Variants in U2AF2 observed in about 807,000 individuals in gnomAD.
U2AF2 encodes the protein splicing factor U2AF 65 kDa subunit.
U2AF2 carries 6 observed loss-of-function variants against 52.6 expected under a neutral mutation model. The observed-to-expected ratio is 0.11, with a 90% CI of 0.06 to 0.23. The LOEUF is 0.23. U2AF2 is among the 10% of genes least tolerant of loss of function. The probability of loss-of-function intolerance (pLI) is 1.00; values close to 1 mark genes in which losing one functional copy is unlikely to be tolerated. For synonymous variants in U2AF2, 284 were observed against 258.2 expected (o/e 1.10, Z -0.96); for missense variants, 222 against 677.1 (o/e 0.33, Z 7.46).
Position 55,674,312 on chromosome 19 carries a change from G to A in U2AF2, c.*244G>A. ...CACACAGACAACACGCACCCACACA[G>A]ACACAGAGGGAAGGGGTTGGGATGG... On this transcript the variant is annotated 3_prime_UTR_variant, in exon 12 of 12. Coordinates refer to ENST00000308924, the MANE Select transcript of U2AF2 (RefSeq NM_007279.3). 2.0e-6 allele frequency: 1 copy of A among 492,852 alleles called. No homozygotes were observed. The highest frequency in any genetic ancestry group is 2.3e-5 in the South Asian group (1 of 44,326). The allele number at this position is 492,852 out of a possible 1,614,324, so 30.5% of individuals were successfully genotyped here.
chr19:55,660,406 G>A (rs952835547), intron 3 of U2AF2, 110 bp from the exon 4 acceptor site: 45 of 1,110,648 alleles, frequency 4.1e-5, no homozygotes, highest in Non-Finnish European at 5.3e-5. Context: ...AGAGAGTGGA[G>A]CTTACATGGT....
chr19:55,670,718 C>T (rs572767401), intron 11 of U2AF2: 23 of 205,368 alleles, frequency 1.1e-4, no homozygotes, highest in Admixed American at 4.4e-4. Flanking sequence ...CTGCCTGGGT[C>T]TTGGAACGAC....
rs542253818 is a variant in U2AF2 at position 55,670,587 on chromosome 19, G to A, written c.1293+895G>A. 2.9e-5 allele frequency: 6 copies of A among 203,514 alleles called. No individual in the cohort carries two copies. In the South Asian group the frequency reaches 3.3e-4, roughly 11 times the overall value. The allele number at this position is 203,514 out of a possible 1,614,324, so 12.6% of individuals were successfully genotyped here. On this transcript the variant is annotated intron_variant, in intron 11 of 11. Coordinates refer to ENST00000308924, the MANE Select transcript of U2AF2 (RefSeq NM_007279.3). The stretch of plus-strand genomic sequence containing the variant: ...GAGGACCTGCATGCCGTATTGAGTC[G>A]GGGCAGGGGCCGCATTCCTGGGTGT...
Position 55,668,646 on chromosome 19 carries a change from C to G in U2AF2, c.823-24C>G, listed in dbSNP as rs1984692170. 1.9e-6 allele frequency: 3 copies of G among 1,606,880 alleles called. No individual in the cohort carries two copies. In the East Asian group the frequency reaches 6.7e-5, roughly 36 times the overall value. On this transcript the variant is annotated intron_variant, in intron 8 of 11. Transcript: ENST00000308924. This position sits in a 1 kb window ranked among gnomAD's most constrained non-coding sequence, Gnocchi z 5.5. ...CACCCCGCCCCACCTCATCCCAGCCCTGATGGACTCTCGGCTACTGCAGGT... is the reference window on the plus strand; with the variant it reads ...CACCCCGCCCCACCTCATCCCAGCCGTGATGGACTCTCGGCTACTGCAGGT...
intron 1 of U2AF2, among the ~76,000 whole-genome samples, chr19:55,658,116 C>T (rs147855446): frequency 2.5e-3 from 383 of 152,264 alleles, no homozygotes; most frequent in Middle Eastern, 6.8e-3. Context: ...TGAAGTTTAA[C>T]ATCCTCCCTC....
intron 1 of U2AF2, 49 bp from the exon 2 acceptor site, chr19:55,659,161 C>G: frequency 2.0e-6 from 3 of 1,475,658 alleles, no homozygotes; most frequent in Non-Finnish European, 2.7e-6. Flanking sequence ...GGGCTGGGCC[C>G]GCATCCTTAC....
chr19:55,665,101 TG>T (rs1984464915), intron 7 of U2AF2, among the ~76,000 whole-genome samples: 1 of 152,226 alleles, frequency 6.6e-6, no homozygotes, highest in South Asian at 2.1e-4. Context: ...CCAATCGACA[TG>T]GACTTTTTAC....
In U2AF2 at chr19:55,664,267, C is replaced by T. The variant is rs528240991; in HGVS notation, c.742+523C>T. Among the ~76,000 whole-genome samples, 281 of 152,358 alleles carry T rather than the reference C, an allele frequency of 1.8e-3. 2 individuals carry two copies. Among genetic ancestry groups the T allele is most frequent in the African/African-American group, 6.3e-3 (261 of 41,586 alleles). ...GGTAACATAGCAGACCAGGGGTTGG[C>T]GACCATGTCACTGTGTGTGAAAGCA... is the stretch of plus-strand genomic sequence containing the variant. On this transcript the variant is annotated intron_variant, in intron 7 of 11. Coordinates refer to ENST00000308924, the MANE Select transcript of U2AF2 (RefSeq NM_007279.3).
chr19:55,659,515 C>T (rs1984022805), intron 2 of U2AF2, among the ~76,000 whole-genome samples, 170 bp downstream of exon 2: 1 of 150,828 alleles, frequency 6.6e-6, no homozygotes, highest in Admixed American at 6.6e-5. Context: ...TCTTGGATTC[C>T]GATTTTTTCC....
chr19:55,670,260 T>A (rs567631646), intron 11 of U2AF2, among the ~76,000 whole-genome samples: 3 of 152,166 alleles, frequency 2.0e-5, no homozygotes, highest in African/African-American at 7.2e-5. Flanking sequence ...TCCTGTCACC[T>A]CCAGCGCCGT....
intron 11 of U2AF2, 46 bp from the exon 12 acceptor site, chr19:55,673,888 T>G (rs781375893): frequency 1.6e-5 from 26 of 1,576,378 alleles, no homozygotes; most frequent in African/African-American, 5.4e-5. Context: ...TGACTGGCTG[T>G]TGGGCGTGAG....
At chr19:55,663,944 G>A (rs1417968106) in intron 7 of U2AF2, 200 bp downstream of exon 7, 8 of 706,528 alleles carry the variant, frequency 1.1e-5, no homozygotes, top group Non-Finnish European at 1.4e-5. Context: ...CCGGGAGAAT[G>A]AGCTGTCACC....
At chr19:55,669,821 T>G in intron 11 of U2AF2, 129 bp downstream of exon 11, 1 of 1,357,542 alleles carries the variant, frequency 7.4e-7, no homozygotes, top group Non-Finnish European at 9.8e-7. Context: ...TTCCTCTCTC[T>G]CTCCTCTCGC....
intron 1 of U2AF2, among the ~76,000 whole-genome samples, chr19:55,655,526 T>C (rs190661772): frequency 6.6e-6 from 1 of 152,392 alleles, no homozygotes; most frequent in East Asian, 1.9e-4. Context: ...CCGTAATCTC[T>C]TTTCTCCCGC....
At chr19:55,661,896 A>T (rs1984227749) in intron 5 of U2AF2, 1 of 152,028 alleles carries the variant, frequency 6.6e-6, no homozygotes, top group Admixed American at 6.6e-5. Flanking sequence ...CAGCCCCCGG[A>T]CTCCAGGGCC....
chr19:55,667,270 C>T (rs1342651938), intron 7 of U2AF2, among the ~76,000 whole-genome samples: 2 of 152,174 alleles, frequency 1.3e-5, no homozygotes, highest in Non-Finnish European at 2.9e-5. Flanking sequence ...TTTCCCATTT[C>T]CTGTCTTACC....
chr19:55,657,065 T>C (rs1983841506), intron 1 of U2AF2, among the ~76,000 whole-genome samples: 1 of 152,248 alleles, frequency 6.6e-6, no homozygotes, highest in Non-Finnish European at 1.5e-5. Context: ...GATTCTGAGC[T>C]CTGGCTGCAA....
chr19:55,668,952 TC>T lies in U2AF2; in HGVS notation c.946-129del. 11 of 1,480,614 alleles carry T rather than the reference TC, an allele frequency of 7.4e-6. No individual in the cohort carries two copies. Among genetic ancestry groups the T allele is most frequent in the Non-Finnish European group, 1.0e-5 (11 of 1,101,876 alleles). 91.7% of individuals were successfully genotyped at this position (1,480,614 alleles called of 1,614,324 possible). A position where few individuals can be genotyped will look rare whatever the true frequency, so the allele number is the denominator to read the frequency against. On this transcript the variant is annotated intron_variant, in intron 9 of 11. Transcript: ENST00000308924. The surrounding 1 kb of genome is among the most constrained non-coding windows in gnomAD (Gnocchi z 5.5). ...TCCCTGTCCCATGGCGTTGGCTTTT[TC>T]CAGGCTCTTAATCCCCTTTGCCTTC...
At chr19:55,658,386 G>A (rs1282775250) in intron 1 of U2AF2, among the ~76,000 whole-genome samples, 2 of 150,288 alleles carry the variant, frequency 1.3e-5, no homozygotes, top group Non-Finnish European at 2.9e-5. Flanking sequence ...AGAGGTTTCT[G>A]TGGTTTTGCC....
Sources: gnomAD v4.1 joint callset for allele counts (sites outside exome capture counted in the v4.1 genomes callset) on GRCh38, gnomAD v4.1.1 for gene constraint, Gnocchi (gnomAD v3.1) non-coding constraint, MANE v1.5 for transcripts, NCBI Gene and HGNC (gene_info 2026-07-23, HGNC 2026-07-21) for gene names.